Variants in ST6GALNAC5 observed in about 807,000 individuals in gnomAD.
The protein encoded by ST6GALNAC5 is alpha-N-acetylgalactosaminide alpha-2,6-sialyltransferase 5.
In ST6GALNAC5, 27 loss-of-function variants were observed where a neutral mutation model predicts 33.6. The observed-to-expected ratio is 0.80, with a 90% confidence interval of 0.59 to 1.11. The LOEUF (loss-of-function observed/expected upper bound fraction) is 1.11, where lower values mean the gene tolerates loss of function less well. Among genes scored for constraint, ST6GALNAC5 ranks in the 50% least tolerant of loss-of-function variants. The pLI, the probability that ST6GALNAC5 is intolerant of heterozygous loss-of-function variation, is 0.00. For synonymous variants in ST6GALNAC5, 194 were observed against 171.2 expected, an observed-to-expected ratio of 1.13 and a Z score of -1.04; for missense variants, 428 against 454.0, an observed-to-expected ratio of 0.94 and a Z score of 0.52.
intron 2 of ST6GALNAC5, among the ~76,000 whole-genome samples, chr1:76,914,792 A>C (rs1646952093): frequency 6.6e-6 from 1 of 152,208 alleles, no homozygotes; most frequent in Non-Finnish European, 1.5e-5. Flanking sequence ...CAAGGACTTC[A>C]TGACTAAAAC....
intron 2 of ST6GALNAC5, among the ~76,000 whole-genome samples, chr1:77,012,467 G>A (rs1204682899): frequency 6.6e-6 from 1 of 152,092 alleles, no homozygotes; most frequent in East Asian, 1.9e-4. Context: ...GCCTCTGAAC[G>A]CCAGAAAAAA....
chr1:77,051,084 A>G (rs775508081), intron 4 of ST6GALNAC5, among the ~76,000 whole-genome samples: 5 of 152,224 alleles, frequency 3.3e-5, no homozygotes, highest in Admixed American at 6.5e-5. Context: ...CATGGACTCA[A>G]TCCTGATTTT....
At chr1:76,895,374 T>C (rs1654106697) in intron 2 of ST6GALNAC5, among the ~76,000 whole-genome samples, 1 of 151,464 alleles carries the variant, frequency 6.6e-6, no homozygotes, top group Non-Finnish European at 1.5e-5. Context: ...GAACCTAGAG[T>C]GGGAGAGATT....
chr1:76,935,793 T>C (rs1011310106), intron 2 of ST6GALNAC5, among the ~76,000 whole-genome samples: 6 of 151,980 alleles, frequency 3.9e-5, no homozygotes, highest in African/African-American at 1.4e-4. Context: ...TTGATGCAAT[T>C]CAATTCAAGG....
At chr1:76,936,953 G>GGTGTGTGTGTGTGTGTGTGTGTGTGT (rs34309736) in intron 2 of ST6GALNAC5, among the ~76,000 whole-genome samples, 7 of 140,034 alleles carry the variant, frequency 5.0e-5, no homozygotes, top group Non-Finnish European at 6.2e-5. Flanking sequence ...AGAGAAGCAG[G>GGTGTGTGTGTGTGTGTGTGTGTGTGT]GTGTGTGTGT....
At chr1:76,954,006 A>C (rs915066027) in intron 2 of ST6GALNAC5, among the ~76,000 whole-genome samples, 1 of 152,172 alleles carries the variant, frequency 6.6e-6, no homozygotes, top group African/African-American at 2.4e-5. Context: ...AAATTTAACA[A>C]TCAGTTCTGG....
At chr1:77,059,367 G>C (rs909776543) in intron 4 of ST6GALNAC5, among the ~76,000 whole-genome samples, 1 of 152,122 alleles carries the variant, frequency 6.6e-6, no homozygotes, top group Non-Finnish European at 1.5e-5. Flanking sequence ...GGCTTTCCCT[G>C]CATTTCATGA....
In ST6GALNAC5 at chr1:76,920,721, G is replaced by A. The variant is rs570567283; in HGVS notation, c.261+51979G>A. Among the ~76,000 whole-genome samples the A allele has an allele frequency of 3.9e-5, 6 of 152,268 alleles. No individual in the cohort carries two copies. The South Asian group carries it at 1.0e-3, about 26-fold the overall frequency. On this transcript the variant is annotated intron_variant, in intron 2 of 4. Coordinates refer to ENST00000477717, the MANE Select transcript of ST6GALNAC5 (RefSeq NM_030965.3). ...GGGAACAATGGCTGGCCCAAAGTCA[G>A]CCTGTGGGCTAATCTTATAAGTAGA...
At chr1:76,884,674 G>C in intron 2 of ST6GALNAC5, among the ~76,000 whole-genome samples, 1 of 152,124 alleles carries the variant, frequency 6.6e-6, no homozygotes, top group Non-Finnish European at 1.5e-5. Context: ...TCTCTTTCTG[G>C]CTATATGGAC....
At chr1:76,954,252 A>C (rs138583116) in intron 2 of ST6GALNAC5, among the ~76,000 whole-genome samples, 405 of 152,274 alleles carry the variant, frequency 2.7e-3, no homozygotes, top group African/African-American at 9.3e-3. Context: ...GCTGGAAGCC[A>C]TAATCCTTAG....
intron 2 of ST6GALNAC5, among the ~76,000 whole-genome samples, chr1:76,881,804 T>C (rs983058653): frequency 4.7e-4 from 72 of 152,348 alleles, no homozygotes; most frequent in Middle Eastern, 3.4e-3. Flanking sequence ...AACTAATTCA[T>C]TTCTATCTTC....
At chr1:76,990,325 A>G (rs1419910664) in intron 2 of ST6GALNAC5, among the ~76,000 whole-genome samples, 2 of 152,192 alleles carry the variant, frequency 1.3e-5, no homozygotes, top group African/African-American at 4.8e-5. Flanking sequence ...GGCATTGCTC[A>G]TTGTATGGCA....
chr1:76,874,121 G>A (rs1317684796), intron 2 of ST6GALNAC5, among the ~76,000 whole-genome samples: 2 of 152,152 alleles, frequency 1.3e-5, no homozygotes, highest in East Asian at 1.9e-4. Flanking sequence ...TACCTTAGAA[G>A]TTTGTTAAGC....
chr1:77,050,237 C>T, intron 3 of ST6GALNAC5, 21 bp from the exon 4 acceptor site: 1 of 1,608,442 alleles, frequency 6.2e-7, no homozygotes, highest in Non-Finnish European at 8.5e-7. Context: ...AGCTTGCAGA[C>T]TTAATTATTG....
chr1:77,000,389 T>C (rs1650101368), intron 2 of ST6GALNAC5, among the ~76,000 whole-genome samples: 1 of 127,794 alleles, frequency 7.8e-6, no homozygotes, highest in Non-Finnish European at 1.8e-5. Flanking sequence ...TTCTGGATAT[T>C]AGCCCTTTGT....
chr1:77,048,250 GC>G (rs1652082220), intron 3 of ST6GALNAC5, among the ~76,000 whole-genome samples: 1 of 152,142 alleles, frequency 6.6e-6, no homozygotes, highest in Non-Finnish European at 1.5e-5. Flanking sequence ...CTTGGAGAAA[GC>G]CCCCTTTGGT....
chr1:76,954,999 A>G (rs905405319), intron 2 of ST6GALNAC5, among the ~76,000 whole-genome samples: 1 of 152,186 alleles, frequency 6.6e-6, no homozygotes, highest in Non-Finnish European at 1.5e-5. Flanking sequence ...AATGAGCAAA[A>G]CAGTCATGAT....
intron 2 of ST6GALNAC5, among the ~76,000 whole-genome samples, chr1:76,926,704 A>G (rs1647089540): frequency 6.6e-6 from 1 of 152,094 alleles, no homozygotes; most frequent in African/African-American, 2.4e-5. Flanking sequence ...AATTTCTAGA[A>G]GAGGAATTAG....
chr1:77,004,295 G>T (rs1348734265), intron 2 of ST6GALNAC5, among the ~76,000 whole-genome samples: 5 of 148,434 alleles, frequency 3.4e-5, no homozygotes, highest in African/African-American at 1.2e-4. Flanking sequence ...AGCTCCTGAG[G>T]CTTCTGCATT....
Sources: allele counts gnomAD v4.1 joint callset (sites outside exome capture counted in the v4.1 genomes callset), GRCh38; gene constraint gnomAD v4.1.1; transcripts MANE v1.5; gene names NCBI Gene and HGNC (gene_info 2026-07-23, HGNC 2026-07-21).